ZNF407: variants seen among roughly 807,000 people sequenced by gnomAD.
ZNF407 encodes the protein zinc finger protein 407.
In ZNF407, 17 loss-of-function variants were observed where a neutral mutation model predicts 131.2. That is an observed-to-expected ratio of 0.13 (90% CI 0.09 to 0.19). ZNF407 has a LOEUF of 0.19. ZNF407 is among the 10% of genes least tolerant of loss of function. ZNF407 has a pLI of 1.00. For missense variants in ZNF407, 2,681 were observed against 2,830.6 expected (o/e 0.95, Z 1.20); for synonymous variants, 1,156 against 1,062.0 (o/e 1.09, Z -1.72).
chr18:74,923,060 T>C (rs781640447), intron 8 of ZNF407, among the ~76,000 whole-genome samples: 5 of 152,214 alleles, frequency 3.3e-5, no homozygotes, highest in Admixed American at 3.3e-4. Context: ...TGTTTTTCCC[T>C]CTCTAGCAGA....
At chr18:74,760,342 A>G (rs990875252) in intron 3 of ZNF407, among the ~76,000 whole-genome samples, 8 of 152,166 alleles carry the variant, frequency 5.3e-5, no homozygotes, top group Non-Finnish European at 1.0e-4. Flanking sequence ...CAGAGATGCT[A>G]TGGAAGATTA....
intron 8 of ZNF407, among the ~76,000 whole-genome samples, chr18:74,934,404 G>GT (rs1972015780): frequency 6.6e-6 from 1 of 152,172 alleles, no homozygotes; most frequent in African/African-American, 2.4e-5. Flanking sequence ...TATAATACCA[G>GT]TTTCCTTCCA....
At chr18:74,739,479 C>A (rs1017129140) in intron 3 of ZNF407, among the ~76,000 whole-genome samples, 2 of 151,530 alleles carry the variant, frequency 1.3e-5, no homozygotes, top group African/African-American at 4.8e-5. Context: ...AATGTTCTTA[C>A]ATTTGGGCTC....
chr18:74,913,464 G>GTGC (rs1255909995), intron 7 of ZNF407, among the ~76,000 whole-genome samples: 2 of 152,194 alleles, frequency 1.3e-5, no homozygotes, highest in African/African-American at 4.8e-5. Flanking sequence ...GCCCCATGCT[G>GTGC]TGCTGTTCCA....
intron 1 of ZNF407, among the ~76,000 whole-genome samples, chr18:74,626,019 G>T (rs563088704): frequency 6.6e-6 from 1 of 152,280 alleles, no homozygotes; most frequent in East Asian, 1.9e-4. Context: ...AGGAAATGTT[G>T]GTTAAACACA....
chr18:74,685,363 A>G (rs946560183), intron 3 of ZNF407, among the ~76,000 whole-genome samples: 5 of 152,174 alleles, frequency 3.3e-5, no homozygotes, highest in Non-Finnish European at 5.9e-5. Flanking sequence ...GCTGCTCACC[A>G]TCTATCCTGG....
chr18:75,046,861 C>T (rs940281175), intron 8 of ZNF407, among the ~76,000 whole-genome samples: 2 of 152,082 alleles, frequency 1.3e-5, no homozygotes. Context: ...ATTTGCCTCC[C>T]GGATGTCCCT....
At chr18:74,997,722 G>C (rs1330071983) in intron 8 of ZNF407, among the ~76,000 whole-genome samples, 1 of 151,980 alleles carries the variant, frequency 6.6e-6, no homozygotes, top group Non-Finnish European at 1.5e-5. Context: ...TAAAGGCTGG[G>C]GTTCTAAGCA....
chr18:74,881,237 T>G, intron 6 of ZNF407, 118 bp downstream of exon 6: 15 of 821,790 alleles, frequency 1.8e-5, no homozygotes, highest in Non-Finnish European at 2.3e-5. Context: ...TCTGTGCACT[T>G]GAAGGTCTAC....
intron 3 of ZNF407, among the ~76,000 whole-genome samples, chr18:74,644,082 C>A (rs1984852265): frequency 6.6e-6 from 1 of 150,890 alleles, no homozygotes. Flanking sequence ...GTAAAAATTT[C>A]AAAAATGTAT....
intron 2 of ZNF407, among the ~76,000 whole-genome samples, chr18:74,639,233 G>A (rs1170131968): frequency 6.6e-6 from 1 of 152,144 alleles, no homozygotes; most frequent in Non-Finnish European, 1.5e-5. Flanking sequence ...CACATGGCAG[G>A]TGCTGTGTGA....
rs1372208445 is a variant in ZNF407, at chr18:74,752,593, G to A, written c.4803-28835G>A. Among the ~76,000 whole-genome samples, 8 of 152,246 alleles carry A rather than the reference G, an allele frequency of 5.3e-5. No individual in the cohort carries two copies. The East Asian group carries it at 1.5e-3, about 29-fold the overall frequency. On this transcript the variant is annotated intron_variant, in intron 3 of 8. Transcript: ENST00000299687. ...GATCCAGTTTCAGCTTTCTACATAT[G>A]GCTAGCCAGTTTTCCCAGCACCATT... is the stretch of plus-strand genomic sequence containing the variant.
In ZNF407 at chr18:74,631,119, G is replaced by A; in HGVS notation, c.100G>A (p.Gly34Arg). 1 of 1,613,940 alleles carries A rather than the reference G, an allele frequency of 6.2e-7. No homozygotes were observed. The highest frequency in any genetic ancestry group is 8.5e-7 in the Non-Finnish European group (1 of 1,179,880). ...GCTTTCATCCCATAATGAAGACGGT[G>A]GGCCTGTATCTGATGTGATAGCAAG... ...TKLSSHNEDG[G>R]PVSDVIASFP... The change falls in exon 2 of 9, where the codon GGG becomes AGG. Residue 34 changes from glycine to arginine, a missense_variant. Gly to Arg is a moderately radical substitution (Grantham distance 125). Around this residue, in one of 6 missense-constraint regions of ZNF407, gnomAD observed 1,789 missense variants for 1,748.7 expected, o/e 1.02. Transcript: ENST00000299687.
At chr18:75,039,779 T>A (rs1973351628) in intron 8 of ZNF407, among the ~76,000 whole-genome samples, 1 of 148,940 alleles carries the variant, frequency 6.7e-6, no homozygotes. Flanking sequence ...ATTTCAGGCA[T>A]TTGATAGTAA....
chr18:75,021,279 A>AT (rs1263199093), intron 8 of ZNF407, among the ~76,000 whole-genome samples: 2 of 151,908 alleles, frequency 1.3e-5, no homozygotes, highest in African/African-American at 2.4e-5. Flanking sequence ...TTAAAAAAAA[A>AT]AATAATAAAG....
chr18:74,844,897 C>T (rs971778702), intron 4 of ZNF407, among the ~76,000 whole-genome samples: 21 of 152,142 alleles, frequency 1.4e-4, no homozygotes, highest in African/African-American at 4.8e-4. Context: ...GAAGAGAAAT[C>T]AGCCTAAGAA....
intron 3 of ZNF407, among the ~76,000 whole-genome samples, chr18:74,649,982 AATTAACT>A (rs1985152995): frequency 1.3e-5 from 2 of 152,190 alleles, no homozygotes; most frequent in African/African-American, 4.8e-5. Context: ...CAAAGGATAG[AATTAACT>A]ATTAAGTGAT....
At chr18:75,034,211 G>T (rs1310766114) in intron 8 of ZNF407, among the ~76,000 whole-genome samples, 30 of 151,840 alleles carry the variant, frequency 2.0e-4, no homozygotes, top group Non-Finnish European at 1.5e-4. Context: ...AGTACATTTG[G>T]TAAGTATCTA....
intron 3 of ZNF407, among the ~76,000 whole-genome samples, chr18:74,707,881 T>C (rs1041841850): frequency 6.6e-6 from 1 of 152,204 alleles, no homozygotes; most frequent in African/African-American, 2.4e-5. Flanking sequence ...ATGAACACAA[T>C]TTTAGTGATG....
Sources: gnomAD v4.1 joint callset for allele counts (sites outside exome capture counted in the v4.1 genomes callset) on GRCh38, gnomAD v4.1.1 for gene constraint, gnomAD v4.1.1 regional missense constraint, MANE v1.5 for transcripts, NCBI Gene and HGNC (gene_info 2026-07-23, HGNC 2026-07-21) for gene names.